NRG1: variants seen among roughly 807,000 people sequenced by gnomAD.
NRG1 encodes the protein pro-neuregulin-1, membrane-bound isoform.
Under a neutral mutation model 63.8 loss-of-function variants are expected in NRG1, and 18 were observed. The ratio of observed to expected loss-of-function variants is 0.28; its 90% CI spans 0.19 to 0.42. NRG1 has a LOEUF of 0.42. Ranked by LOEUF, NRG1 falls within the 10% of genes least tolerant of loss-of-function variation. The pLI is 1.00. For synonymous variants in NRG1, 302 were observed against 301.3 expected (o/e 1.00, Z -0.02); for missense variants, 762 against 814.7 (o/e 0.94, Z 0.79).
intron 1 of NRG1, among the ~76,000 whole-genome samples, chr8:32,359,960 T>C (rs767746452): frequency 6.6e-6 from 1 of 152,146 alleles, no homozygotes. Context: ...TTTTGAAATG[T>C]ATGGAGCCAA....
chr8:32,376,419 C>A (rs1332908751), intron 1 of NRG1, among the ~76,000 whole-genome samples: 2 of 152,114 alleles, frequency 1.3e-5, no homozygotes, highest in African/African-American at 4.8e-5. Flanking sequence ...CCATCTTCTA[C>A]CCTTCTGCAT....
At chr8:32,710,970 T>C (rs1817660033) in intron 5 of NRG1, among the ~76,000 whole-genome samples, 1 of 152,156 alleles carries the variant, frequency 6.6e-6, no homozygotes, top group Non-Finnish European at 1.5e-5. Flanking sequence ...CTAAAGGTAA[T>C]ATTTTAAGTC....
intron 1 of NRG1, among the ~76,000 whole-genome samples, chr8:32,285,357 G>A (rs1162000154): frequency 6.6e-6 from 1 of 152,118 alleles, no homozygotes; most frequent in Non-Finnish European, 1.5e-5. Context: ...GAGTCATGTT[G>A]ACTACTATAT....
chr8:32,051,148 G>A (rs1190258294), intron 1 of NRG1, among the ~76,000 whole-genome samples: 1 of 151,918 alleles, frequency 6.6e-6, no homozygotes, highest in African/African-American at 2.4e-5. Context: ...CCAAATATTT[G>A]TTTCTCATTT....
intron 1 of NRG1, among the ~76,000 whole-genome samples, chr8:32,569,808 G>A (rs993959911): frequency 1.3e-5 from 2 of 151,562 alleles, no homozygotes; most frequent in African/African-American, 2.4e-5. Flanking sequence ...TTGGGGGTGG[G>A]CATCAGTTCC....
At chr8:32,764,458 T>C in exon 12 of NRG1, 1 of 1,363,746 alleles carries the variant, frequency 7.3e-7, no homozygotes. Flanking sequence ...TAATAAAGTA[T>C]TCCACCTTAA....
At chr8:32,536,894 G>T (rs1360979408) in intron 1 of NRG1, among the ~76,000 whole-genome samples, 21 of 128,884 alleles carry the variant, frequency 1.6e-4, no homozygotes, top group Non-Finnish European at 4.7e-5. Context: ...CTGCCCTCCA[G>T]CCTGGGCGAT....
At chr8:32,653,752 T>G (rs958111477) in intron 5 of NRG1, among the ~76,000 whole-genome samples, 19 of 152,226 alleles carry the variant, frequency 1.2e-4, no homozygotes, top group African/African-American at 4.3e-4. Context: ...TCAAGAGTAT[T>G]AAAATATTCC....
At chr8:31,815,702 C>G (rs1289108949) in intron 1 of NRG1, among the ~76,000 whole-genome samples, 1 of 152,160 alleles carries the variant, frequency 6.6e-6, no homozygotes, top group South Asian at 2.1e-4. Context: ...ATTTTGCATT[C>G]CCACCAACAA....
rs544233379 is a variant in NRG1, at chr8:31,640,592, G to A, written c.37+1161G>A. ...TCCTGCGGGAGGCTCAAGGAGGACA[G>A]CAGGTACATCTTCTTCATGGAGCCC... On this transcript the variant is annotated intron_variant, in intron 1 of 10. Transcript: ENST00000519301. The surrounding 1 kb of genome is among the most constrained non-coding windows in gnomAD (Gnocchi z 6.3). 5.5e-5 allele frequency: 89 copies of A among 1,612,264 alleles called. No individual in the cohort carries two copies. In the South Asian group the frequency reaches 8.9e-4, roughly 16 times the overall value.
chr8:31,804,325 C>T (rs1387721613), intron 1 of NRG1, among the ~76,000 whole-genome samples: 3 of 152,182 alleles, frequency 2.0e-5, no homozygotes, highest in African/African-American at 4.8e-5. Context: ...CTCTCTTGGC[C>T]TTCTGAGATC....
intron 5 of NRG1, among the ~76,000 whole-genome samples, chr8:32,659,932 C>T (rs918744500): frequency 2.6e-5 from 4 of 152,172 alleles, no homozygotes; most frequent in African/African-American, 9.7e-5. Context: ...TGAAGACCTC[C>T]TCCAACCCCC....
At chr8:32,292,295 C>T (rs1240913264) in intron 1 of NRG1, among the ~76,000 whole-genome samples, 1 of 152,066 alleles carries the variant, frequency 6.6e-6, no homozygotes, top group African/African-American at 2.4e-5. Flanking sequence ...TTAGTTACTC[C>T]CTTTATCCTG....
chr8:31,765,942 T>A (rs1483940395), intron 1 of NRG1, among the ~76,000 whole-genome samples: 1 of 152,036 alleles, frequency 6.6e-6, no homozygotes, highest in Non-Finnish European at 1.5e-5. Context: ...ATGTAATTGG[T>A]TTATAGATAG....
chr8:31,999,981 C>G (rs1229824958), intron 1 of NRG1, among the ~76,000 whole-genome samples: 1 of 151,776 alleles, frequency 6.6e-6, no homozygotes, highest in Non-Finnish European at 1.5e-5. Flanking sequence ...GAAGGGAACA[C>G]TGGTGGCAAA....
intron 1 of NRG1, among the ~76,000 whole-genome samples, chr8:31,877,557 G>A (rs1370753233): frequency 6.6e-6 from 1 of 151,652 alleles, no homozygotes. Context: ...ATATTTTAAT[G>A]CCCACTCTAT....
At chr8:32,756,886 G>T (rs918216143) in intron 9 of NRG1, among the ~76,000 whole-genome samples, 8 of 152,116 alleles carry the variant, frequency 5.3e-5, no homozygotes, top group Non-Finnish European at 8.8e-5. Flanking sequence ...GGAAATACAG[G>T]CTACTCCATT....
intron 1 of NRG1, among the ~76,000 whole-genome samples, chr8:32,494,484 C>A (rs1364450940): frequency 6.6e-6 from 1 of 152,008 alleles, no homozygotes; most frequent in East Asian, 1.9e-4. Context: ...TCCTACCCAG[C>A]TGAAATGGAC....
intron 1 of NRG1, among the ~76,000 whole-genome samples, chr8:32,009,570 T>C (rs1223669207): frequency 1.3e-5 from 2 of 151,692 alleles, no homozygotes; most frequent in Non-Finnish European, 2.9e-5. Flanking sequence ...GGGTAGGGTT[T>C]TGGGGGGAAG....
Sources: gnomAD v4.1 joint callset for allele counts (sites outside exome capture counted in the v4.1 genomes callset) on GRCh38, gnomAD v4.1.1 for gene constraint, Gnocchi (gnomAD v3.1) non-coding constraint, MANE v1.5 for transcripts, NCBI Gene and HGNC (gene_info 2026-07-23, HGNC 2026-07-21) for gene names.